The following ACOX2 variants were observed in gnomAD, a reference collection of about 807,000 sequenced individuals.
ACOX2 encodes the protein acyl-CoA oxidase 2.
ACOX2 carries 59 observed loss-of-function variants against 77.5 expected under a neutral mutation model. The observed-to-expected ratio is 0.76, with a 90% CI of 0.62 to 0.95. ACOX2 has a LOEUF of 0.95. Among genes scored for constraint, ACOX2 ranks in the 40% least tolerant of loss-of-function variants. The pLI is 0.00. For synonymous variants in ACOX2, 317 were observed against 340.1 expected (o/e 0.93, Z 0.75); for missense variants, 837 against 880.4 (o/e 0.95, Z 0.62).
Position 58,522,676 on chromosome 3 carries a change from T to C in ACOX2, c.1527-75A>G. 1.5e-6 allele frequency: 2 copies of C among 1,317,172 alleles called. No individual in the cohort carries two copies. Among genetic ancestry groups the C allele is most frequent in the South Asian group, 2.4e-5 (2 of 84,010 alleles). The allele number at this position is 1,317,172 out of a possible 1,614,324, so 81.6% of individuals were successfully genotyped here. Reference sequence around the variant, plus strand: ...CAACTGATGGGCTTCCTGTGGTCCCTCAGAAGTAGAAATAATGCCTGTTTA... The same window carrying C: ...CAACTGATGGGCTTCCTGTGGTCCCCCAGAAGTAGAAATAATGCCTGTTTA... On this transcript the variant is annotated intron_variant, in intron 11 of 14. Coordinates refer to ENST00000302819, the MANE Select transcript of ACOX2 (RefSeq NM_003500.4). This position sits in a 1 kb window ranked among gnomAD's most constrained non-coding sequence, Gnocchi z 4.3.
Position 58,525,286 on chromosome 3 carries a change from A to T in ACOX2, c.1347-681T>A, listed in dbSNP as rs1354603796. The stretch of plus-strand genomic sequence containing the variant: ...TTCTAATTTGGAAAAAAACCAAGGG[A>T]TGTTATATATTTTTAAAAATATAAT... On this transcript the variant is annotated intron_variant, in intron 10 of 14. Transcript: ENST00000302819. This position sits in a 1 kb window ranked among gnomAD's most constrained non-coding sequence, Gnocchi z 5.0. Among the ~76,000 whole-genome samples, 1 of 152,220 alleles carries T rather than the reference A, an allele frequency of 6.6e-6. No individual in the cohort carries two copies. Among genetic ancestry groups the T allele is most frequent in the African/African-American group, 2.4e-5 (1 of 41,456 alleles).
intron 8 of ACOX2, 178 bp from the exon 9 acceptor site, chr3:58,529,134 A>G (rs1164876626): frequency 1.8e-6 from 1 of 548,064 alleles, no homozygotes; most frequent in Non-Finnish European, 3.0e-6. Context: ...ACATCCACAC[A>G]TTTCACTGCA....
rs755279653 is a variant in ACOX2, at chr3:58,534,516, A to G, written c.167T>C (p.Ile56Thr). The G allele has an allele frequency of 1.9e-6, 3 of 1,614,210 alleles. No homozygotes were observed. The East Asian group carries it at 6.7e-5, about 36-fold the overall frequency. ...NTALRRKVESIIHSYPEFSCK... is the reference protein window; with the variant it reads ...NTALRRKVESTIHSYPEFSCK... ...GCTAAACTCCGGGTAACTGTGGATG[A>G]TGCTCTCTGCAGAGGACAGAGAACA... is the stretch of plus-strand genomic sequence containing the variant. The change falls in exon 3 of 15, where the codon ATC becomes ACC. Residue 56 changes from isoleucine (I) to threonine (T), a missense_variant. Physicochemically the swap from Ile to Thr is moderately conservative, Grantham distance 89 (BLOSUM62 -1). Coordinates refer to ENST00000302819, the MANE Select transcript of ACOX2 (RefSeq NM_003500.4). The surrounding 1 kb of genome is among the most constrained non-coding windows in gnomAD (Gnocchi z 4.8).
Position 58,509,556 on chromosome 3 carries a change from G to A in ACOX2, c.1851-531C>T, listed in dbSNP as rs116514545. Among the ~76,000 whole-genome samples the A allele has an allele frequency of 3.5e-3, 529 of 150,090 alleles. 1 individual carries two copies. The highest frequency in any genetic ancestry group is 0.013 in the African/African-American group (514 of 40,806). On this transcript the variant is annotated intron_variant, in intron 13 of 14. Coordinates refer to ENST00000302819, the MANE Select transcript of ACOX2 (RefSeq NM_003500.4). ...ATAAATAAATAAATAAATAAATAAC[G>A]AGCATATACCTGTCTGATTTCCACT...
At chr3:58,511,165 C>A in intron 13 of ACOX2, 1 of 389,270 alleles carries the variant, frequency 2.6e-6, no homozygotes, top group Non-Finnish European at 5.1e-6. Flanking sequence ...CCCTCCTTGT[C>A]TACTAGATGT....
chr3:58,518,414 A>C (rs1367145475), intron 12 of ACOX2, among the ~76,000 whole-genome samples: 1 of 152,168 alleles, frequency 6.6e-6, no homozygotes, highest in East Asian at 1.9e-4. Context: ...CAGCCCAGCA[A>C]CTAAAGGATT....
rs150032336 is a variant in ACOX2 at position 58,511,244 on chromosome 3, G to C, written c.1851-2219C>G. On this transcript the variant is annotated intron_variant, in intron 13 of 14. Coordinates refer to ENST00000302819, the MANE Select transcript of ACOX2 (RefSeq NM_003500.4). Reference sequence around the variant, plus strand: ...TCCAACAACATCAAAATTCCCCTCAGGGGTAAAAAGTTAGTGGAAATGCCC... The same window carrying C: ...TCCAACAACATCAAAATTCCCCTCACGGGTAAAAAGTTAGTGGAAATGCCC... 6.5e-5 allele frequency: 21 copies of C among 321,172 alleles called. No homozygotes were observed. The East Asian group carries it at 1.9e-3, about 30-fold the overall frequency. 19.9% of individuals were successfully genotyped at this position (321,172 alleles called of 1,614,324 possible).
At position 58,524,785 on chromosome 3, in the gene ACOX2, G is replaced by C. The variant is rs144100062; in HGVS notation, c.1347-180C>G. On this transcript the variant is annotated intron_variant, in intron 10 of 14. Coordinates refer to ENST00000302819, the MANE Select transcript of ACOX2 (RefSeq NM_003500.4). This position sits in a 1 kb window ranked among gnomAD's most constrained non-coding sequence, Gnocchi z 5.5. ...GTTCCCCCTCGGGCCGTCCTGCCTC[G>C]AGGCCCTCAGTCAGGCATATCCCAG... is the stretch of plus-strand genomic sequence containing the variant. Among the ~76,000 whole-genome samples the C allele has an allele frequency of 1.3e-5, 2 of 152,178 alleles. No homozygotes were observed. The highest frequency in any genetic ancestry group is 2.9e-5 in the Non-Finnish European group (2 of 68,030).
chr3:58,511,989 C>T (rs962419701), intron 13 of ACOX2, among the ~76,000 whole-genome samples: 2 of 152,216 alleles, frequency 1.3e-5, no homozygotes, highest in African/African-American at 4.8e-5. Flanking sequence ...TCATGCACTC[C>T]TTGTGATGTT....
chr3:58,508,911 C>T lies in ACOX2; in HGVS notation c.1965G>A (p.Lys655=), dbSNP rs777054443. 1 of 1,614,204 alleles carries T rather than the reference C, an allele frequency of 6.2e-7. No homozygotes were observed. The highest frequency in any genetic ancestry group is 1.7e-5 in the Admixed American group (1 of 60,028). ...VYERLFQWAQ[K]SPTNTQENPA... ...CAACTACCTGAGTATTGGTTGGTGA[C>T]TTCTGAGCCCACTGGAACAGGCGTT... Residue 655 remains lysine, a synonymous_variant, in exon 14 of 15, where the codon AAG becomes AAA. Coordinates refer to ENST00000302819, the MANE Select transcript of ACOX2 (RefSeq NM_003500.4).
In ACOX2 at chr3:58,526,562, T is replaced by C; in HGVS notation, c.1250A>G (p.Tyr417Cys). The C allele has an allele frequency of 1.9e-6, 3 of 1,614,158 alleles. No individual in the cohort carries two copies. Among genetic ancestry groups the C allele is most frequent in the Non-Finnish European group, 2.5e-6 (3 of 1,180,010 alleles). The change falls in exon 10 of 15, where the codon TAC becomes TGC. Residue 417 changes from tyrosine to cysteine, a missense_variant. By Grantham distance (194) the Tyr-to-Cys change is radical. Transcript: ENST00000302819. The surrounding 1 kb of genome is among the most constrained non-coding windows in gnomAD (Gnocchi z 4.3). ...MCRRACGGHG[Y>C]SKLSGLPSLV... ...TGATGGCAGGCCACTCAGCTTTGAG[T>C]AGCCATGTCCGCCACAGGCCCTGCG...
At chr3:58,510,707 T>C (rs4405934) in intron 13 of ACOX2, among the ~76,000 whole-genome samples, 145 of 3,106 alleles carry the variant, frequency 0.047, 1 homozygote, top group Admixed American at 0.072. Context: ...TATATATATA[T>C]ATACACACAC....
chr3:58,527,536 G>GAA (rs71625626), intron 9 of ACOX2, among the ~76,000 whole-genome samples: 5 of 107,748 alleles, frequency 4.6e-5, no homozygotes, highest in Admixed American at 1.8e-4. Context: ...ACTGTCTCAG[G>GAA]AAAAAAAAAA....
Position 58,522,752 on chromosome 3 carries a change from T to A in ACOX2, c.1527-151A>T. ...AAATGATTGATATTTATTATCTTTT[T>A]AACTCTTTTAAGGGCAGGCACCCCC... On this transcript the variant is annotated intron_variant, in intron 11 of 14. Transcript: ENST00000302819. This position sits in a 1 kb window ranked among gnomAD's most constrained non-coding sequence, Gnocchi z 4.3. 1.4e-6 allele frequency: 1 copy of A among 737,786 alleles called. No homozygotes were observed. The highest frequency in any genetic ancestry group is 2.2e-6 in the Non-Finnish European group (1 of 446,784). The allele number at this position is 737,786 out of a possible 1,614,324, so 45.7% of individuals were successfully genotyped here.
rs548188276 is a variant in ACOX2 at position 58,528,655 on chromosome 3, C to T, written c.1155+139G>A. ...TATACCAGGGTGCCGTTCACCCAGA[C>T]GCCCTGGGATGCTGAAAGCTGGGAG... is the stretch of plus-strand genomic sequence containing the variant. On this transcript the variant is annotated intron_variant, in intron 9 of 14. Transcript: ENST00000302819. The surrounding 1 kb of genome is among the most constrained non-coding windows in gnomAD (Gnocchi z 5.6). 1.2e-4 allele frequency: 139 copies of T among 1,120,174 alleles called. 3 individuals are homozygous for T. The South Asian group carries it at 2.1e-3, about 17-fold the overall frequency. 69.4% of individuals were successfully genotyped at this position (1,120,174 alleles called of 1,614,324 possible).
rs774596666 is a variant in ACOX2, at chr3:58,524,769, C to T, written c.1347-164G>A. 2.6e-5 allele frequency among the ~76,000 whole-genome samples: 4 copies of T among 152,204 alleles called. No homozygotes were observed. The highest frequency in any genetic ancestry group is 4.8e-5 in the African/African-American group (2 of 41,468). On this transcript the variant is annotated intron_variant, in intron 10 of 14. Coordinates refer to ENST00000302819, the MANE Select transcript of ACOX2 (RefSeq NM_003500.4). The surrounding 1 kb of genome is among the most constrained non-coding windows in gnomAD (Gnocchi z 5.5). ...GGCCTCCCTCCTGAGGGTTCCCCCT[C>T]GGGCCGTCCTGCCTCGAGGCCCTCA... is the stretch of plus-strand genomic sequence containing the variant.
At position 58,514,264 on chromosome 3, in the gene ACOX2, C is replaced by A. The variant is rs1376709770; in HGVS notation, c.1850+2942G>T. On this transcript the variant is annotated intron_variant, in intron 13 of 14. Coordinates refer to ENST00000302819, the MANE Select transcript of ACOX2 (RefSeq NM_003500.4). This position sits in a 1 kb window ranked among gnomAD's most constrained non-coding sequence, Gnocchi z 4.3. ...AAGAGCAGCCTGGACAACACAGAGA[C>A]AACATCTCTTTCTCTTTGTGGGTTT... Among the ~76,000 whole-genome samples, 1 of 152,172 alleles carries A rather than the reference C, an allele frequency of 6.6e-6. No individual in the cohort carries two copies. The highest frequency in any genetic ancestry group is 1.5e-5 in the Non-Finnish European group (1 of 68,028).
At position 58,525,220 on chromosome 3, in the gene ACOX2, G is replaced by A. The variant is rs1469713433; in HGVS notation, c.1347-615C>T. ...ATGAGATGATATTTGTAGAGTGCTTGGCACAGTGCAGAGTACATAATATGT... is the reference window on the plus strand; with the variant it reads ...ATGAGATGATATTTGTAGAGTGCTTAGCACAGTGCAGAGTACATAATATGT... On this transcript the variant is annotated intron_variant, in intron 10 of 14. Transcript: ENST00000302819. This position sits in a 1 kb window ranked among gnomAD's most constrained non-coding sequence, Gnocchi z 5.0. 1.3e-5 allele frequency among the ~76,000 whole-genome samples: 2 copies of A among 152,146 alleles called. No homozygotes were observed. Among genetic ancestry groups the A allele is most frequent in the Non-Finnish European group, 2.9e-5 (2 of 68,022 alleles).
In ACOX2 at chr3:58,505,781, G is replaced by C. The variant is rs139488315; in HGVS notation, c.1984-495C>G. Reference sequence around the variant, plus strand: ...TCTACACTAAAACTGTAAGCTCCTCGAACACTGGGCTTTTGACTGTTTTTT... The same window carrying C: ...TCTACACTAAAACTGTAAGCTCCTCCAACACTGGGCTTTTGACTGTTTTTT... On this transcript the variant is annotated intron_variant, in intron 14 of 14. Coordinates refer to ENST00000302819, the MANE Select transcript of ACOX2 (RefSeq NM_003500.4). This position sits in a 1 kb window ranked among gnomAD's most constrained non-coding sequence, Gnocchi z 4.4. Among the ~76,000 whole-genome samples, 269 of 148,942 alleles carry C rather than the reference G, an allele frequency of 1.8e-3. 3 individuals are homozygous for C. The highest frequency in any genetic ancestry group is 0.017 in the Middle Eastern group (5 of 288).
Sources: allele counts gnomAD v4.1 joint callset (sites outside exome capture counted in the v4.1 genomes callset), GRCh38; gene constraint gnomAD v4.1.1; non-coding constraint Gnocchi (gnomAD v3.1); transcripts MANE v1.5; gene names NCBI Gene and HGNC (gene_info 2026-07-23, HGNC 2026-07-21).